ATG7: variants seen among roughly 807,000 people sequenced by gnomAD.
ATG7 encodes the protein ubiquitin-like modifier-activating enzyme ATG7.
In ATG7, 70 loss-of-function variants were observed where a neutral mutation model predicts 82.4. The observed-to-expected ratio is 0.85, with a 90% confidence interval of 0.70 to 1.04. ATG7 has a LOEUF of 1.04. Among genes scored for constraint, ATG7 ranks in the 50% least tolerant of loss-of-function variants. The pLI, the probability that ATG7 is intolerant of heterozygous loss-of-function variation, is 0.00. For missense variants in ATG7, 792 were observed against 864.3 expected, an observed-to-expected ratio of 0.92 and a Z score of 1.05; for synonymous variants, 287 against 313.0, an observed-to-expected ratio of 0.92 and a Z score of 0.88.
intron 20 of ATG7, among the ~76,000 whole-genome samples, chr3:11,433,244 A>T (rs1336366735): frequency 6.9e-6 from 1 of 144,704 alleles, no homozygotes. Flanking sequence ...TGATTGTGCC[A>T]CTGTACTCCA....
At chr3:11,425,596 A>G (rs1314146225) in intron 19 of ATG7, among the ~76,000 whole-genome samples, 1 of 152,160 alleles carries the variant, frequency 6.6e-6, no homozygotes, top group Non-Finnish European at 1.5e-5. Flanking sequence ...TGTGATACTC[A>G]TTGTTTCTAA....
At chr3:11,576,284 C>T in the ATG7 span, among the ~76,000 whole-genome samples, 1 of 152,204 alleles carries the variant, frequency 6.6e-6, no homozygotes, top group East Asian at 1.9e-4. Flanking sequence ...CAGATGTGTC[C>T]CACATTAGAG....
chr3:11,358,555 G>C lies in ATG7; in HGVS notation c.1422G>C (p.Leu474Phe). 3 of 1,614,054 alleles carry C rather than the reference G, an allele frequency of 1.9e-6. No individual in the cohort carries two copies. Among genetic ancestry groups the C allele is most frequent in the Non-Finnish European group, 1.7e-6 (2 of 1,179,990 alleles). The change falls in exon 15 of 21, where the codon TTG (leucine) becomes TTC (phenylalanine). Residue 474 changes from leucine (L) to phenylalanine (F), a missense_variant. By Grantham distance (22) the Leu-to-Phe change is conservative. Transcript: ENST00000693202. ...LIESHDVVFL[L>F]MDTRESRWLP... ...AAAGCCATGATGTCGTCTTCCTATT[G>C]ATGGACACCAGGGAGAGCCGGTGGC...
chr3:11,303,964 G>T (rs938161158), intron 5 of ATG7, among the ~76,000 whole-genome samples: 19 of 150,074 alleles, frequency 1.3e-4, no homozygotes, highest in African/African-American at 4.7e-4. Flanking sequence ...GGTGGCGGGC[G>T]CCTGTAGTCC....
chr3:11,441,164 C>T (rs1039271162), intron 20 of ATG7, among the ~76,000 whole-genome samples: 3 of 152,118 alleles, frequency 2.0e-5, no homozygotes, highest in Non-Finnish European at 4.4e-5. Context: ...TTTATCCTAC[C>T]TTAATCCTCT....
chr3:11,386,056 G>A (rs1174828990), intron 19 of ATG7, among the ~76,000 whole-genome samples: 2 of 152,214 alleles, frequency 1.3e-5, no homozygotes, highest in Non-Finnish European at 2.9e-5. Context: ...TCCAGCAGCT[G>A]CAGCAGGGTG....
At chr3:11,502,115 ACT>A (rs1470785448) in intron 20 of ATG7, among the ~76,000 whole-genome samples, 1 of 152,108 alleles carries the variant, frequency 6.6e-6, no homozygotes. Flanking sequence ...TATATGCAAA[ACT>A]CTGAAGGATA....
intron 19 of ATG7, among the ~76,000 whole-genome samples, chr3:11,411,935 G>T (rs1223607391): frequency 6.6e-6 from 1 of 150,946 alleles, no homozygotes; most frequent in East Asian, 1.9e-4. Context: ...TTTTGCCTGT[G>T]GATATCCAGT....
chr3:11,324,966 A>T (rs879592985), intron 9 of ATG7, among the ~76,000 whole-genome samples: 1 of 152,240 alleles, frequency 6.6e-6, no homozygotes, highest in South Asian at 2.1e-4. Flanking sequence ...CAGTGGTTCC[A>T]TAAGATTATA....
intron 20 of ATG7, among the ~76,000 whole-genome samples, chr3:11,470,008 A>AAAAAAAAAAAAAAAAG (rs1399975005): frequency 2.1e-5 from 3 of 141,092 alleles, no homozygotes; most frequent in African/African-American, 8.0e-5. Flanking sequence ...AAAAAAAAAA[A>AAAAAAAAAAAAAAAAG]AGAGAGAGAG....
intron 9 of ATG7, among the ~76,000 whole-genome samples, chr3:11,327,290 T>A (rs1951016993): frequency 6.6e-6 from 1 of 152,250 alleles, no homozygotes; most frequent in Non-Finnish European, 1.5e-5. Context: ...TTCTCCATAT[T>A]TTAATTTTTC....
chr3:11,552,571 G>A (rs1292226973), intron 20 of ATG7, among the ~76,000 whole-genome samples: 1 of 152,152 alleles, frequency 6.6e-6, no homozygotes, highest in African/African-American at 2.4e-5. Flanking sequence ...GAAGATGGCT[G>A]CTGCCCTCTG....
At chr3:11,478,137 T>G (rs2088477617) in intron 20 of ATG7, among the ~76,000 whole-genome samples, 1 of 152,208 alleles carries the variant, frequency 6.6e-6, no homozygotes, top group Admixed American at 6.5e-5. Context: ...ACAGTCTTGT[T>G]AGAGACATTA....
chr3:11,380,379 C>T (rs1428695293), intron 19 of ATG7, among the ~76,000 whole-genome samples: 1 of 152,202 alleles, frequency 6.6e-6, no homozygotes, highest in Non-Finnish European at 1.5e-5. Context: ...CCAGGACCCT[C>T]ATAGAGCAAT....
chr3:11,551,698 G>A (rs1311596038), intron 20 of ATG7, among the ~76,000 whole-genome samples: 1 of 152,102 alleles, frequency 6.6e-6, no homozygotes, highest in African/African-American at 2.4e-5. Context: ...CCAAAGTGCT[G>A]GGATTACAGG....
chr3:11,272,583 C>T (rs1940677792), intron 1 of ATG7, 153 bp downstream of exon 1: 1 of 152,540 alleles, frequency 6.6e-6, no homozygotes, highest in Admixed American at 6.5e-5. Flanking sequence ...CTTCCTCCTC[C>T]AGGGACTCAC....
At chr3:11,349,022 T>C (rs2152791353) in intron 14 of ATG7, among the ~76,000 whole-genome samples, 1 of 152,278 alleles carries the variant, frequency 6.6e-6, no homozygotes, top group East Asian at 1.9e-4. Context: ...TACAATCCTC[T>C]AGCTAGACAC....
At chr3:11,554,746 G>T in intron 20 of ATG7, 65 bp from the exon 21 acceptor site, 1 of 1,592,084 alleles carries the variant, frequency 6.3e-7, no homozygotes. Flanking sequence ...CGGTTTTGAA[G>T]CATCTGTGTG....
At chr3:11,574,510 C>T in the ATG7 span, among the ~76,000 whole-genome samples, 1 of 152,098 alleles carries the variant, frequency 6.6e-6, no homozygotes, top group South Asian at 2.1e-4. Flanking sequence ...AAGGTAGGGG[C>T]TGGAGAGATT....
Sources: gnomAD v4.1 joint callset for allele counts (sites outside exome capture counted in the v4.1 genomes callset) on GRCh38, gnomAD v4.1.1 for gene constraint, MANE v1.5 for transcripts, NCBI Gene and HGNC (gene_info 2026-07-23, HGNC 2026-07-21) for gene names.